The following ABHD3 variants were observed in gnomAD, a reference collection of about 807,000 sequenced individuals.
ABHD3 encodes abhydrolase domain containing 3, phospholipase.
Under a neutral mutation model 48.8 loss-of-function variants are expected in ABHD3, and 46 were observed. The ratio of observed to expected loss-of-function variants is 0.94; its 90% CI spans 0.74 to 1.20. The LOEUF is 1.20. Among genes scored for constraint, ABHD3 ranks in the 50% most tolerant of loss-of-function variants. ABHD3 has a pLI of 0.00. For synonymous variants in ABHD3, 192 were observed against 183.7 expected (o/e 1.04, Z -0.36); for missense variants, 490 against 497.8 (o/e 0.98, Z 0.15).
At chr18:21,659,137 C>T (rs568171383) in intron 6 of ABHD3, 33 bp downstream of exon 6, 54 of 1,600,888 alleles carry the variant, frequency 3.4e-5, no homozygotes, top group Non-Finnish European at 4.6e-5. Flanking sequence ...CCGGGCCCGG[C>T]CCTGGAGACA....
rs1301471760 is a variant in ABHD3, at chr18:21,664,283, T to C, written c.556-53A>G. The C allele has an allele frequency of 1.2e-5, 18 of 1,550,256 alleles. No individual in the cohort carries two copies. The East Asian group carries it at 1.4e-4, about 12-fold the overall frequency. Reference sequence around the variant, plus strand: ...AAATTACAATGTGAGGTTAATGATTTGTAAAATGCAGAAATGTAAACAGGA... The same window carrying C: ...AAATTACAATGTGAGGTTAATGATTCGTAAAATGCAGAAATGTAAACAGGA... On this transcript the variant is annotated intron_variant, in intron 4 of 8. Coordinates refer to ENST00000289119, the MANE Select transcript of ABHD3 (RefSeq NM_138340.5).
intron 5 of ABHD3, among the ~76,000 whole-genome samples, chr18:21,663,439 T>TA (rs1256083294): frequency 4.0e-5 from 6 of 151,510 alleles, no homozygotes; most frequent in Non-Finnish European, 1.5e-5. Context: ...TGGATTTCCT[T>TA]AAGCTCACCA....
intron 4 of ABHD3, among the ~76,000 whole-genome samples, chr18:21,674,836 C>T (rs1039032884): frequency 1.3e-5 from 2 of 152,064 alleles, no homozygotes; most frequent in Non-Finnish European, 2.9e-5. Context: ...TGGCCCTGAC[C>T]TCTATACCCC....
intron 3 of ABHD3, among the ~76,000 whole-genome samples, chr18:21,690,996 C>CAA (rs34425997): frequency 0.025 from 1,537 of 61,260 alleles, 62 homozygotes; most frequent in African/African-American, 0.077. Flanking sequence ...GACTCTGTCT[C>CAA]AAAAAAAAAA....
Position 21,657,121 on chromosome 18 carries a change from T to C in ABHD3, c.874A>G (p.Met292Val). 1 of 1,612,152 alleles carries C rather than the reference T, an allele frequency of 6.2e-7. No homozygotes were observed. Among genetic ancestry groups the C allele is most frequent in the East Asian group, 2.2e-5 (1 of 44,842 alleles). Residue 292 changes from methionine (M) to valine (V), a missense_variant, in exon 7 of 9, where the codon ATG becomes GTG. Met to Val is a conservative substitution (Grantham distance 21). Coordinates refer to ENST00000289119, the MANE Select transcript of ABHD3 (RefSeq NM_138340.5). ...TCTCCTACCTTCATGACATGATCCA[T>C]ATCAACTTGTTTTACAAACATATGT... The part of the protein sequence containing the change: ...HRHMFVKQVD[M>V]DHVMKAKSIR...
chr18:21,656,841 T>C lies in ABHD3; in HGVS notation c.1057+20A>G. 4.5e-6 allele frequency: 7 copies of C among 1,558,200 alleles called. No homozygotes were observed. The South Asian group carries it at 6.0e-5, about 13-fold the overall frequency. ...AAAAGTTGATTCATGTCAAAATATA[T>C]ACAAATATGTTAATTTTACCATGAC... On this transcript the variant is annotated intron_variant, in intron 8 of 8. Transcript: ENST00000289119.
intron 4 of ABHD3, among the ~76,000 whole-genome samples, chr18:21,665,670 A>G (rs554302753): frequency 7.3e-4 from 111 of 151,818 alleles, no homozygotes; most frequent in African/African-American, 2.5e-3. Flanking sequence ...AAAATTAGCC[A>G]GGTGTGGTGG....
At chr18:21,660,521 T>G (rs1323721966) in intron 5 of ABHD3, among the ~76,000 whole-genome samples, 5 of 152,232 alleles carry the variant, frequency 3.3e-5, no homozygotes, top group Admixed American at 1.3e-4. Context: ...ATGTCTAATC[T>G]ACATACACAA....
At chr18:21,674,148 C>T in intron 4 of ABHD3, among the ~76,000 whole-genome samples, 1 of 152,130 alleles carries the variant, frequency 6.6e-6, no homozygotes, top group East Asian at 1.9e-4. Context: ...CTTACAGGAT[C>T]ACCTGACACA....
chr18:21,651,723 A>G lies in ABHD3; in HGVS notation c.1098T>C (p.Ala366=), dbSNP rs187106731. Residue 366 remains alanine (A), a synonymous_variant, in exon 9 of 9, where the codon GCT becomes GCC. Transcript: ENST00000289119. ...GGCCTCCATAAGAAGTAAGGACCAAAGCAACATTAGGATTTTGCTTAGCAG... is the reference window on the plus strand; with the variant it reads ...GGCCTCCATAAGAAGTAAGGACCAAGGCAACATTAGGATTTTGCTTAGCAG... The part of the protein sequence containing the change: ...IETAKQNPNV[A]LVLTSYGGHI... The G allele has an allele frequency of 1.9e-6, 3 of 1,602,370 alleles. No homozygotes were observed. Among genetic ancestry groups the G allele is most frequent in the Non-Finnish European group, 2.6e-6 (3 of 1,174,274 alleles).
chr18:21,657,513 G>GT (rs1568136442), intron 6 of ABHD3, among the ~76,000 whole-genome samples: 246 of 151,584 alleles, frequency 1.6e-3, no homozygotes, highest in African/African-American at 5.6e-3. Context: ...CAATTTTGTG[G>GT]GTTTTTTTTT....
At chr18:21,681,691 A>C (rs1449118874) in intron 4 of ABHD3, among the ~76,000 whole-genome samples, 2 of 152,186 alleles carry the variant, frequency 1.3e-5, no homozygotes, top group East Asian at 3.8e-4. Flanking sequence ...CTTCTAGCAA[A>C]TTCCTGTCAC....
chr18:21,702,431 A>G lies in ABHD3; in HGVS notation c.394T>C (p.Cys132Arg). Residue 132 changes from cysteine to arginine, a missense_variant, in exon 3 of 9, where the codon TGT becomes CGT. Transcript: ENST00000289119. ...LDWFDNDNSTCYMDASTRPTI... is the reference protein window; with the variant it reads ...LDWFDNDNSTRYMDASTRPTI... ...GGTCTGGTGCTGGCATCCATATAAC[A>G]CGTACTGTTATCATTATCAAACCAG... is the stretch of plus-strand genomic sequence containing the variant. 6.2e-7 allele frequency: 1 copy of G among 1,613,820 alleles called. No homozygotes were observed. The highest frequency in any genetic ancestry group is 8.5e-7 in the Non-Finnish European group (1 of 1,179,882).
chr18:21,698,671 G>C (rs1196752676), intron 3 of ABHD3, among the ~76,000 whole-genome samples: 1 of 151,944 alleles, frequency 6.6e-6, no homozygotes, highest in East Asian at 1.9e-4. Flanking sequence ...CTGCCTCCCA[G>C]GTTCAAGCAG....
chr18:21,670,607 T>G (rs922453159), intron 4 of ABHD3, among the ~76,000 whole-genome samples: 10 of 152,172 alleles, frequency 6.6e-5, no homozygotes, highest in African/African-American at 2.4e-4. Flanking sequence ...TGCAGACCAA[T>G]GGGATACTGT....
Position 21,702,480 on chromosome 18 carries a change from T to G in ABHD3, c.345A>C (p.Ala115=). 6.2e-7 allele frequency: 1 copy of G among 1,602,694 alleles called. No homozygotes were observed. The highest frequency in any genetic ancestry group is 1.1e-5 in the South Asian group (1 of 89,328). ...VQYRNELIKT[A]DGGQISLDWF... ...AGTCCAGTGAAATCTGTCCTCCATC[T>G]GCAGTTTTAATAAGTTCACTGAAAG... The change falls in exon 3 of 9, where the codon GCA becomes GCC. Residue 115 remains alanine, a synonymous_variant. Transcript: ENST00000289119.
At chr18:21,691,640 C>T (rs988586336) in intron 3 of ABHD3, among the ~76,000 whole-genome samples, 4 of 152,130 alleles carry the variant, frequency 2.6e-5, no homozygotes, top group African/African-American at 9.7e-5. Flanking sequence ...AAAGTCAATT[C>T]ATAATTCAGG....
intron 4 of ABHD3, among the ~76,000 whole-genome samples, chr18:21,670,660 CCTT>C (rs1393804632): frequency 6.6e-6 from 1 of 152,148 alleles, no homozygotes; most frequent in African/African-American, 2.4e-5. Context: ...CCACCTGTGA[CCTT>C]CACCTGCCTG....
chr18:21,677,403 C>T (rs1309983467), intron 4 of ABHD3, among the ~76,000 whole-genome samples: 3 of 147,040 alleles, frequency 2.0e-5, no homozygotes, highest in Non-Finnish European at 4.5e-5. Flanking sequence ...GATAGGGTTT[C>T]ACCGTGTTAG....
Sources: allele counts gnomAD v4.1 joint callset (sites outside exome capture counted in the v4.1 genomes callset), GRCh38; gene constraint gnomAD v4.1.1; transcripts MANE v1.5; gene names NCBI Gene and HGNC (gene_info 2026-07-23, HGNC 2026-07-21).